PEAK1: variants seen among roughly 807,000 people sequenced by gnomAD.
PEAK1 encodes the protein inactive tyrosine-protein kinase PEAK1.
Under a neutral mutation model 124.7 loss-of-function variants are expected in PEAK1, and 54 were observed. That is an observed-to-expected ratio of 0.43 (90% CI 0.35 to 0.54). The LOEUF is 0.54. Among genes scored for constraint, PEAK1 ranks in the 20% least tolerant of loss-of-function variants. The pLI is 0.01. For synonymous variants in PEAK1, 719 were observed against 760.0 expected (o/e 0.95, Z 0.89); for missense variants, 2,046 against 2,134.5 (o/e 0.96, Z 0.82).
At chr15:77,105,425 A>T (rs2050741219), downstream of PEAK1, 1 of 152,192 alleles carries the variant, frequency 6.6e-6, no homozygotes, top group Non-Finnish European at 1.5e-5. Context: ...TTTGTGTCCA[A>T]AAAGCCTATT....
intron 5 of PEAK1, among the ~76,000 whole-genome samples, chr15:77,264,461 C>T (rs1336920567): frequency 2.0e-5 from 3 of 152,294 alleles, no homozygotes; most frequent in South Asian, 4.1e-4. Context: ...ACACCAATAA[C>T]AGACAAACAG....
chr15:77,204,276 G>C (rs1187669965), intron 6 of PEAK1, among the ~76,000 whole-genome samples: 1 of 152,186 alleles, frequency 6.6e-6, no homozygotes, highest in East Asian at 1.9e-4. Context: ...TGGAGCAACA[G>C]AAACTTATCC....
chr15:77,363,369 C>CT (rs2068023408), intron 2 of PEAK1, among the ~76,000 whole-genome samples: 1 of 152,304 alleles, frequency 6.6e-6, no homozygotes, highest in South Asian at 2.1e-4. Flanking sequence ...TCTCTGTGGC[C>CT]TTTAACTGAG....
Position 77,180,624 on chromosome 15 carries a change from C to T in PEAK1, c.1303G>A (p.Glu435Lys). Residue 435 changes from glutamate (E) to lysine (K), a missense_variant, in exon 7 of 10, where the codon GAA (glutamate) becomes AAA (lysine). By Grantham distance (56) the Glu-to-Lys change is moderately conservative (BLOSUM62 1). Coordinates refer to ENST00000682557, the MANE Select transcript of PEAK1 (RefSeq NM_001385026.1). Reference protein sequence around the residue: ...DGKIAVQTEKEESKASTDVAG... With the variant: ...DGKIAVQTEKKESKASTDVAG... ...ACATCTGTAGAGGCTTTACTTTCTTCCTTCTCAGTTTGTACAGCAATCTTG... is the reference window on the plus strand; with the variant it reads ...ACATCTGTAGAGGCTTTACTTTCTTTCTTCTCAGTTTGTACAGCAATCTTG... 3.7e-6 allele frequency: 6 copies of T among 1,614,132 alleles called. No homozygotes were observed. Among genetic ancestry groups the T allele is most frequent in the Non-Finnish European group, 5.1e-6 (6 of 1,180,002 alleles).
intron 5 of PEAK1, among the ~76,000 whole-genome samples, chr15:77,254,432 A>T (rs1210451921): frequency 6.6e-6 from 1 of 151,178 alleles, no homozygotes; most frequent in Non-Finnish European, 1.5e-5. Context: ...AGTATTTATT[A>T]TTTTGTTTGT....
chr15:77,216,650 G>A (rs930471208), intron 6 of PEAK1, among the ~76,000 whole-genome samples: 1 of 152,168 alleles, frequency 6.6e-6, no homozygotes, highest in Non-Finnish European at 1.5e-5. Context: ...TTATTTGTGA[G>A]GAAAAAATTA....
chr15:77,131,419 G>A (rs913093866), intron 9 of PEAK1, among the ~76,000 whole-genome samples: 1 of 152,204 alleles, frequency 6.6e-6, no homozygotes, highest in African/African-American at 2.4e-5. Context: ...CTTGAACCCG[G>A]GAGGCAGAGG....
intron 6 of PEAK1, among the ~76,000 whole-genome samples, chr15:77,231,423 T>C (rs1366769637): frequency 6.6e-6 from 1 of 152,200 alleles, no homozygotes. Context: ...TTGAATTTAA[T>C]AAGAAAATTG....
intron 2 of PEAK1, among the ~76,000 whole-genome samples, chr15:77,342,739 C>A (rs2066622290): frequency 6.6e-6 from 1 of 152,058 alleles, no homozygotes; most frequent in Non-Finnish European, 1.5e-5. Flanking sequence ...TGGATTATTT[C>A]ACTTAGCATA....
In PEAK1 at chr15:77,302,503, G is replaced by T. The variant is rs1597193088; in HGVS notation, c.-602-15999C>A. On this transcript the variant is annotated intron_variant, in intron 2 of 9. Transcript: ENST00000682557. ...TTAATTGTTCAATTCCAGTATACAT[G>T]CATGGTAATTTCAACATTATTAATC... Among the ~76,000 whole-genome samples, 4 of 152,184 alleles carry T rather than the reference G, an allele frequency of 2.6e-5. No individual in the cohort carries two copies. The Middle Eastern group carries it at 0.01, about 388-fold the overall frequency.
chr15:77,216,156 G>C (rs1436769307), intron 6 of PEAK1, among the ~76,000 whole-genome samples: 2 of 152,228 alleles, frequency 1.3e-5, no homozygotes, highest in Non-Finnish European at 2.9e-5. Flanking sequence ...AACAATTTTT[G>C]AGTCCTCTGA....
At chr15:77,402,083 C>A (rs766047425) in intron 1 of PEAK1, 93 of 828,370 alleles carry the variant, frequency 1.1e-4, no homozygotes, top group Non-Finnish European at 1.5e-5. Context: ...CCTATAATCC[C>A]AGCTACTATG....
intron 6 of PEAK1, among the ~76,000 whole-genome samples, chr15:77,206,590 T>C (rs1171914031): frequency 6.6e-6 from 1 of 150,446 alleles, no homozygotes; most frequent in Admixed American, 6.6e-5. Flanking sequence ...ATGATGAGCA[T>C]TTTTTCATGT....
chr15:77,150,353 C>T (rs1244061136), intron 8 of PEAK1, among the ~76,000 whole-genome samples: 3 of 152,020 alleles, frequency 2.0e-5, no homozygotes, highest in Non-Finnish European at 4.4e-5. Flanking sequence ...GCCTCGCTTT[C>T]TTTATCTGAA....
chr15:77,222,624 A>G (rs2059439404), intron 6 of PEAK1, among the ~76,000 whole-genome samples: 1 of 151,892 alleles, frequency 6.6e-6, no homozygotes, highest in African/African-American at 2.4e-5. Flanking sequence ...TCTGTTAATC[A>G]ACTGGTCTTG....
In PEAK1 at chr15:77,317,886, T is replaced by A. The variant is rs2064972704; in HGVS notation, c.-602-31382A>T. The stretch of plus-strand genomic sequence containing the variant: ...TGATATACGTAACAATTTGGATAGA[T>A]CTCAAGGGAATCATGTTGGGTGTAA... On this transcript the variant is annotated intron_variant, in intron 2 of 9. Transcript: ENST00000682557. Among the ~76,000 whole-genome samples, 8 of 152,182 alleles carry A rather than the reference T, an allele frequency of 5.3e-5. No homozygotes were observed. In the South Asian group the frequency reaches 1.7e-3, roughly 32 times the overall value.
At chr15:77,221,194 C>T (rs541721971) in intron 6 of PEAK1, among the ~76,000 whole-genome samples, 3 of 152,154 alleles carry the variant, frequency 2.0e-5, no homozygotes, top group Admixed American at 1.3e-4. Flanking sequence ...TCATTGCAGT[C>T]GTGAATGAGC....
intron 8 of PEAK1, among the ~76,000 whole-genome samples, chr15:77,140,327 T>C (rs965268343): frequency 1.3e-5 from 2 of 151,700 alleles, no homozygotes; most frequent in African/African-American, 4.8e-5. Flanking sequence ...TGAATACAGA[T>C]GTGAAAATCT....
chr15:77,215,202 G>A (rs1266743730), intron 6 of PEAK1, among the ~76,000 whole-genome samples: 8 of 152,118 alleles, frequency 5.3e-5, no homozygotes, highest in African/African-American at 1.9e-4. Context: ...TATATTTACT[G>A]TGAAGTTCAT....
Sources: allele counts gnomAD v4.1 joint callset (sites outside exome capture counted in the v4.1 genomes callset), GRCh38; gene constraint gnomAD v4.1.1; transcripts MANE v1.5; gene names NCBI Gene and HGNC (gene_info 2026-07-23, HGNC 2026-07-21).